CGN: variants seen among roughly 807,000 people sequenced by gnomAD.
The protein encoded by CGN is cingulin.
CGN carries 121 observed loss-of-function variants against 157.1 expected under a neutral mutation model. That is an observed-to-expected ratio of 0.77 (90% confidence interval 0.66 to 0.90). The LOEUF is 0.90. CGN is among the 40% of genes least tolerant of loss of function. CGN has a pLI of 0.00. For missense variants in CGN, 1,424 were observed against 1,520.9 expected (o/e 0.94, Z 1.06); for synonymous variants, 535 against 607.5 (o/e 0.88, Z 1.76).
chr1:151,528,720 TTATTA>T, intron 10 of CGN, among the ~76,000 whole-genome samples: 1 of 152,082 alleles, frequency 6.6e-6, no homozygotes, highest in South Asian at 2.1e-4. Flanking sequence ...CCAGTGGTTT[TTATTA>T]TATTAACAAA....
rs771199756 is a variant in CGN, at chr1:151,527,122, G to A, written c.1896+15G>A. 1.2e-6 allele frequency: 2 copies of A among 1,613,780 alleles called. No individual in the cohort carries two copies. Among genetic ancestry groups the A allele is most frequent in the Admixed American group, 1.7e-5 (1 of 60,000 alleles). On this transcript the variant is annotated intron_variant, in intron 10 of 20. Transcript: ENST00000271636. ...TGCTCAAGAAGGTATTTGGGAATTG[G>A]GGGGCAGAATGGTAGGTAGGGGTGA...
rs767662749 is a variant in CGN, at chr1:151,511,911, G to T, written c.-15+396G>T. Among the ~76,000 whole-genome samples, 1 of 152,158 alleles carries T rather than the reference G, an allele frequency of 6.6e-6. No homozygotes were observed. The highest frequency in any genetic ancestry group is 2.4e-5 in the African/African-American group (1 of 41,440). On this transcript the variant is annotated intron_variant, in intron 1 of 20. Transcript: ENST00000271636. This position sits in a 1 kb window ranked among gnomAD's most constrained non-coding sequence, Gnocchi z 4.8. The stretch of plus-strand genomic sequence containing the variant: ...CTGCTGCTGCCTGAGGTGCAGACTC[G>T]CCAGGGGAGGGCATCTGCAGGTGCT...
Position 151,519,144 on chromosome 1 carries a change from C to G in CGN, c.625C>G (p.Arg209Gly), listed in dbSNP as rs763549292. The G allele has an allele frequency of 2.5e-6, 4 of 1,614,072 alleles. No homozygotes were observed. Among genetic ancestry groups the G allele is most frequent in the Non-Finnish European group, 2.5e-6 (3 of 1,180,042 alleles). Residue 209 changes from arginine to glycine, a missense_variant, in exon 2 of 21, where the codon CGC (arginine) becomes GGC (glycine). Arg to Gly is a moderately radical substitution (Grantham distance 125, BLOSUM62 -2). This residue lies in a region of CGN where 1,187 missense variants were observed against 1,217.6 expected (regional missense o/e 0.97). Coordinates refer to ENST00000271636, the MANE Select transcript of CGN (RefSeq NM_020770.3). ...RRTRMLPPEQ[R>G]KRSKSLDSRL... ...AACACGGATGCTACCCCCTGAACAGCGCAAACGGAGCAAGAGCCTGGACAG... is the reference window on the plus strand; with the variant it reads ...AACACGGATGCTACCCCCTGAACAGGGCAAACGGAGCAAGAGCCTGGACAG...
intron 9 of CGN, among the ~76,000 whole-genome samples, chr1:151,526,466 C>T (rs1489490473): frequency 6.6e-6 from 1 of 151,420 alleles, no homozygotes; most frequent in Non-Finnish European, 1.5e-5. Context: ...TGAGCCACTG[C>T]ACCCAGTCCC....
At chr1:151,532,612 C>CTTTTTTTTTTTTTTTTTTTTTTTTTTTTT (rs34388063) in intron 14 of CGN, 40 bp downstream of exon 14, 1 of 500,198 alleles carries the variant, frequency 2.0e-6, no homozygotes, top group Non-Finnish European at 2.7e-6. Flanking sequence ...GTCCTTGCCT[C>CTTTTTTTTTTTTTTTTTTTTTTTTTTTTT]TTTTTTTTTT....
chr1:151,518,806 C>T lies in CGN; in HGVS notation c.287C>T (p.Ser96Leu). ...CAAGGGGCCTCAGGAGCTCTGAGCT[C>T]AGATTTGGAACTCCCTGAGAACCCC... is the stretch of plus-strand genomic sequence containing the variant. ...NDQGASGALS[S>L]DLELPENPYS... The change falls in exon 2 of 21, where the codon TCA becomes TTA. Residue 96 changes from serine (S) to leucine (L), a missense_variant. Transcript: ENST00000271636. 1.2e-6 allele frequency: 2 copies of T among 1,614,058 alleles called. No homozygotes were observed. The highest frequency in any genetic ancestry group is 1.7e-6 in the Non-Finnish European group (2 of 1,179,960).
Position 151,523,437 on chromosome 1 carries a change from C to T in CGN, c.1144C>T (p.Arg382Trp), listed in dbSNP as rs778510582. The T allele has an allele frequency of 1.1e-5, 18 of 1,608,420 alleles. No individual in the cohort carries two copies. Among genetic ancestry groups the T allele is most frequent in the Middle Eastern group, 1.7e-4 (1 of 6,054 alleles). The stretch of plus-strand genomic sequence containing the variant: ...GTACTCTCATTCCCTTTTACAGAAG[C>T]GGCAGAAGCTAGAGCCATCCCAAGT... ...QRKLDEEVKKRQKLEPSQVGL... is the reference protein window; with the variant it reads ...QRKLDEEVKKWQKLEPSQVGL... The change falls in exon 6 of 21, where the codon CGG becomes TGG. Residue 382 changes from arginine to tryptophan, a missense_variant. Physicochemically the swap from Arg to Trp is moderately radical, Grantham distance 101 (BLOSUM62 -3). This residue lies in a region of CGN where 1,187 missense variants were observed against 1,217.6 expected (regional missense o/e 0.97). Coordinates refer to ENST00000271636, the MANE Select transcript of CGN (RefSeq NM_020770.3).
In CGN at chr1:151,529,457, C is replaced by T. The variant is rs201464670; in HGVS notation, c.2004C>T (p.Val668=). The T allele has an allele frequency of 4.5e-5, 72 of 1,613,628 alleles. 1 individual carries two copies. The East Asian group carries it at 1.3e-3, about 29-fold the overall frequency. The part of the protein sequence containing the change: ...RDRELEKQLA[V]LRVEADRGRE... ...GGGAGTTGGAGAAGCAGCTGGCGGT[C>T]CTGAGGGTCGAGGCTGATCGAGGTC... is the stretch of plus-strand genomic sequence containing the variant. The change falls in exon 11 of 21, where the codon GTC becomes GTT. Residue 668 remains valine, a synonymous_variant. Transcript: ENST00000271636.
Position 151,520,151 on chromosome 1 carries a change from C to CT in CGN, c.874-6dup, listed in dbSNP as rs758186584. ...CTTTCTTTCTTTTTTTTTTCTTTTT[C>CT]TTTTTTTTTAACAGTTCAAATCAAC... On this transcript the variant is annotated splice_polypyrimidine_tract_variant and intron_variant, in intron 2 of 20. Transcript: ENST00000271636. 1,447 of 1,513,842 alleles carry CT rather than the reference C, an allele frequency of 9.6e-4. 7 individuals carry two copies. Among genetic ancestry groups the CT allele is most frequent in the South Asian group, 8.5e-3 (693 of 81,214 alleles). 93.8% of individuals were successfully genotyped at this position (1,513,842 alleles called of 1,614,324 possible).
chr1:151,516,530 C>T (rs941691768), intron 1 of CGN, among the ~76,000 whole-genome samples: 1 of 130,808 alleles, frequency 7.6e-6, no homozygotes, highest in Non-Finnish European at 1.6e-5. Context: ...CCTGGGGCCC[C>T]TTAAAGTGGC....
intron 9 of CGN, among the ~76,000 whole-genome samples, chr1:151,526,018 G>A (rs1296537323): frequency 2.0e-5 from 3 of 151,606 alleles, no homozygotes; most frequent in African/African-American, 7.3e-5. Flanking sequence ...GATTACAGGC[G>A]CATGCCACTA....
In CGN at chr1:151,520,150, TC is replaced by T; in HGVS notation, c.874-15del. ...TCTTTCTTTCTTTTTTTTTTCTTTT[TC>T]TTTTTTTTTAACAGTTCAAATCAAC... On this transcript the variant is annotated splice_polypyrimidine_tract_variant and intron_variant, in intron 2 of 20. Coordinates refer to ENST00000271636, the MANE Select transcript of CGN (RefSeq NM_020770.3). 6.4e-7 allele frequency: 1 copy of T among 1,569,562 alleles called. No individual in the cohort carries two copies. The highest frequency in any genetic ancestry group is 8.6e-7 in the Non-Finnish European group (1 of 1,157,876).
intron 14 of CGN, among the ~76,000 whole-genome samples, chr1:151,533,161 TCCAAG>T (rs1251319083): frequency 6.6e-6 from 1 of 152,188 alleles, no homozygotes; most frequent in Non-Finnish European, 1.5e-5. Flanking sequence ...CTCAGGTGAT[TCCAAG>T]TTGTGTAGAG....
At chr1:151,521,900 T>C (rs1264784248) in intron 5 of CGN, among the ~76,000 whole-genome samples, 1 of 152,052 alleles carries the variant, frequency 6.6e-6, no homozygotes, top group African/African-American at 2.4e-5. Flanking sequence ...AACAGGGTAA[T>C]TGTGGCTCTG....
intron 10 of CGN, among the ~76,000 whole-genome samples, chr1:151,528,656 A>G (rs1664756621): frequency 6.6e-6 from 1 of 151,972 alleles, no homozygotes; most frequent in Admixed American, 6.6e-5. Context: ...ACCTCAGGTG[A>G]TCCACCCGCC....
chr1:151,527,948 ATATT>A (rs1664727244), intron 10 of CGN: 10 of 121,082 alleles, frequency 8.3e-5, no homozygotes, highest in Middle Eastern at 3.4e-3. Context: ...ATATATATAT[ATATT>A]TTTTTTTTTT....
Position 151,531,616 on chromosome 1 carries a change from C to T in CGN, c.2572-786C>T, listed in dbSNP as rs557172195. ...GCTGCAGTGAGCTGTGACTGCCCCA[C>T]TGCGCTACAGCAAGAGCCTGTCAAA... On this transcript the variant is annotated intron_variant, in intron 13 of 20. Transcript: ENST00000271636. Among the ~76,000 whole-genome samples, 3 of 151,864 alleles carry T rather than the reference C, an allele frequency of 2.0e-5. No homozygotes were observed. The East Asian group carries it at 5.8e-4, about 29-fold the overall frequency.
intron 16 of CGN, 27 bp downstream of exon 16, chr1:151,535,158 T>C: frequency 1.3e-6 from 2 of 1,533,146 alleles, no homozygotes; most frequent in African/African-American, 1.4e-5. Flanking sequence ...CTCATCTCTG[T>C]TTACCCCTGA....
intron 18 of CGN, 52 bp from the exon 19 acceptor site, chr1:151,536,185 G>T: frequency 8.5e-7 from 1 of 1,182,416 alleles, no homozygotes; most frequent in Non-Finnish European, 1.3e-6. Context: ...GGCCAAGTTA[G>T]GATTCCCTTA....
Sources: gnomAD v4.1 joint callset for allele counts (sites outside exome capture counted in the v4.1 genomes callset) on GRCh38, gnomAD v4.1.1 for gene constraint, gnomAD v4.1.1 regional missense constraint, Gnocchi (gnomAD v3.1) non-coding constraint, MANE v1.5 for transcripts, NCBI Gene and HGNC (gene_info 2026-07-23, HGNC 2026-07-21) for gene names.